TMEM244: variants seen among roughly 807,000 people sequenced by gnomAD.
TMEM244 encodes the protein putative transmembrane protein 244.
A neutral mutation model predicts 15.8 loss-of-function variants in TMEM244; 13 were observed. The ratio of observed to expected loss-of-function variants is 0.82; its 90% confidence interval spans 0.53 to 1.30. TMEM244 has a LOEUF of 1.30. TMEM244 is among the 50% of genes most tolerant of loss of function. The pLI is 0.00. For synonymous variants in TMEM244, 45 were observed against 48.7 expected (o/e 0.92, Z 0.32); for missense variants, 161 against 144.9 (o/e 1.11, Z -0.57).
intron 3 of TMEM244, among the ~76,000 whole-genome samples, chr6:129,833,884 A>T (rs1397332692): frequency 6.6e-6 from 1 of 152,218 alleles, no homozygotes; most frequent in African/African-American, 2.4e-5. Context: ...AATATGTGCA[A>T]ATCTGTAATT....
At chr6:129,832,454 T>A (rs575394261) in intron 4 of TMEM244, among the ~76,000 whole-genome samples, 1 of 152,288 alleles carries the variant, frequency 6.6e-6, no homozygotes, top group African/African-American at 2.4e-5. Context: ...GTGATTTATA[T>A]GACAGTCATA....
At chr6:129,839,923 T>C (rs1398374842) in intron 3 of TMEM244, among the ~76,000 whole-genome samples, 1 of 152,056 alleles carries the variant, frequency 6.6e-6, no homozygotes, top group African/African-American at 2.4e-5. Context: ...CTCAATGAAA[T>C]AAAAGAGGAC....
chr6:129,832,113 T>C (rs984759524), intron 4 of TMEM244, among the ~76,000 whole-genome samples: 35 of 150,618 alleles, frequency 2.3e-4, no homozygotes, highest in African/African-American at 3.9e-4. Flanking sequence ...TTTTTTTTTT[T>C]CTGAGACAGA....
chr6:129,858,271 A>G (rs1296269556), intron 1 of TMEM244, among the ~76,000 whole-genome samples: 3 of 152,042 alleles, frequency 2.0e-5, no homozygotes, highest in Non-Finnish European at 4.4e-5. Context: ...TCTATACTCA[A>G]ATGATTTAAG....
rs1184798890 is a variant in TMEM244, at chr6:129,833,663, G to A, written c.194-78C>T. On this transcript the variant is annotated intron_variant, in intron 3 of 4. Coordinates refer to ENST00000368143, the MANE Select transcript of TMEM244 (RefSeq NM_001010876.2). Reference sequence around the variant, plus strand: ...TGAAATACAACTAGTAACAAGACCAGGAAAGCTTACTTTGAGAATAAATTT... The same window carrying A: ...TGAAATACAACTAGTAACAAGACCAAGAAAGCTTACTTTGAGAATAAATTT... 2.9e-6 allele frequency: 4 copies of A among 1,398,800 alleles called. No homozygotes were observed. The Admixed American group carries it at 7.4e-5, about 26-fold the overall frequency. 86.6% of individuals were successfully genotyped at this position (1,398,800 alleles called of 1,614,324 possible). A position where few individuals can be genotyped will look rare whatever the true frequency, so the allele number is the denominator to read the frequency against.
chr6:129,834,706 C>T (rs1358525365), intron 3 of TMEM244, among the ~76,000 whole-genome samples: 2 of 152,188 alleles, frequency 1.3e-5, no homozygotes, highest in East Asian at 3.8e-4. Flanking sequence ...TTCATACTAA[C>T]TCCTTTTCTA....
In TMEM244 at chr6:129,861,222, C is replaced by A. The variant is rs760619736; in HGVS notation, c.-34G>T. 6.2e-7 allele frequency: 1 copy of A among 1,612,380 alleles called. No homozygotes were observed. The highest frequency in any genetic ancestry group is 1.1e-5 in the South Asian group (1 of 90,958). The stretch of plus-strand genomic sequence containing the variant: ...CCTACGTCAAGGAGGTGATGAAAGC[C>A]CCACTCCTTATAGCGATGACATCTG... On this transcript the variant is annotated 5_prime_UTR_variant, in exon 1 of 5. Coordinates refer to ENST00000368143, the MANE Select transcript of TMEM244 (RefSeq NM_001010876.2).
At chr6:129,853,360 G>T (rs1776660020) in intron 1 of TMEM244, among the ~76,000 whole-genome samples, 1 of 151,962 alleles carries the variant, frequency 6.6e-6, no homozygotes, top group South Asian at 2.1e-4. Flanking sequence ...AAGTTCCCCT[G>T]ACTTCTTATT....
chr6:129,839,072 A>C (rs953586825), intron 3 of TMEM244, among the ~76,000 whole-genome samples: 1 of 152,212 alleles, frequency 6.6e-6, no homozygotes, highest in Non-Finnish European at 1.5e-5. Flanking sequence ...TCCCTAACTC[A>C]TTTCATGAGG....
chr6:129,857,683 G>A (rs1052617936), intron 1 of TMEM244, among the ~76,000 whole-genome samples: 2 of 152,000 alleles, frequency 1.3e-5, no homozygotes, highest in African/African-American at 4.8e-5. Flanking sequence ...AGATAGTAGT[G>A]GAGTTAGTGG....
chr6:129,858,491 T>A (rs1247283495), intron 1 of TMEM244, among the ~76,000 whole-genome samples: 1 of 152,164 alleles, frequency 6.6e-6, no homozygotes, highest in Non-Finnish European at 1.5e-5. Context: ...GGCTCATATA[T>A]CATCTTCTCA....
intron 1 of TMEM244, among the ~76,000 whole-genome samples, chr6:129,858,327 T>C (rs868556776): frequency 2.0e-5 from 3 of 152,320 alleles, no homozygotes; most frequent in Middle Eastern, 6.8e-3. Context: ...AGAATTCTTT[T>C]GTGAAATCTA....
chr6:129,851,251 T>G (rs550124147), intron 1 of TMEM244, among the ~76,000 whole-genome samples: 34 of 152,156 alleles, frequency 2.2e-4, no homozygotes, highest in Non-Finnish European at 4.0e-4. Flanking sequence ...AAGTTCACAA[T>G]GAAAGCATGC....
intron 1 of TMEM244, among the ~76,000 whole-genome samples, chr6:129,850,123 G>A (rs1396830570): frequency 2.6e-5 from 4 of 152,104 alleles, no homozygotes; most frequent in Admixed American, 1.3e-4. Flanking sequence ...GCCCTGCTCC[G>A]ACTCAACCCT....
At chr6:129,839,238 G>C (rs1283455127) in intron 3 of TMEM244, among the ~76,000 whole-genome samples, 1 of 152,138 alleles carries the variant, frequency 6.6e-6, no homozygotes, top group East Asian at 1.9e-4. Context: ...CCATGAACAA[G>C]CTGGCTTCAT....
chr6:129,839,540 A>T (rs549787437), intron 3 of TMEM244, among the ~76,000 whole-genome samples: 2 of 152,346 alleles, frequency 1.3e-5, no homozygotes, highest in East Asian at 3.9e-4. Flanking sequence ...GCCCTCTCTC[A>T]GCACTCCTAT....
At chr6:129,839,886 C>T (rs1036994415) in intron 3 of TMEM244, among the ~76,000 whole-genome samples, 1 of 152,090 alleles carries the variant, frequency 6.6e-6, no homozygotes, top group African/African-American at 2.4e-5. Flanking sequence ...TGTGAAGGAC[C>T]TCTTCAAGGA....
At chr6:129,855,615 C>T (rs1212092205) in intron 1 of TMEM244, among the ~76,000 whole-genome samples, 1 of 152,152 alleles carries the variant, frequency 6.6e-6, no homozygotes, top group Non-Finnish European at 1.5e-5. Context: ...CATATTTTCA[C>T]ATGTTACATT....
intron 2 of TMEM244, among the ~76,000 whole-genome samples, chr6:129,845,509 G>A (rs9492399): frequency 1.6e-4 from 24 of 152,112 alleles, no homozygotes; most frequent in African/African-American, 5.1e-4. Context: ...CTGGATGCAG[G>A]GGCTCATGCC....
Sources: allele counts gnomAD v4.1 joint callset (sites outside exome capture counted in the v4.1 genomes callset), GRCh38; gene constraint gnomAD v4.1.1; transcripts MANE v1.5; gene names NCBI Gene and HGNC (gene_info 2026-07-23, HGNC 2026-07-21).